Variants in NEGR1 observed in about 807,000 individuals in gnomAD.
The protein encoded by NEGR1 is IgLON family member 4.
Under a neutral mutation model 40.9 loss-of-function variants are expected in NEGR1, and 10 were observed. That is an observed-to-expected ratio of 0.24 (90% CI 0.15 to 0.42). NEGR1 has a LOEUF of 0.42. Ranked by LOEUF, NEGR1 falls within the 10% of genes least tolerant of loss-of-function variation. The pLI, the probability that NEGR1 is intolerant of heterozygous loss-of-function variation, is 1.00. For synonymous variants in NEGR1, 185 were observed against 166.8 expected, an observed-to-expected ratio of 1.11 and a Z score of -0.84; for missense variants, 352 against 438.9, an observed-to-expected ratio of 0.80 and a Z score of 1.77.
chr1:71,931,384 T>G (rs940510737), intron 2 of NEGR1, among the ~76,000 whole-genome samples: 1 of 152,180 alleles, frequency 6.6e-6, no homozygotes, highest in South Asian at 2.1e-4. Context: ...GTAGGAACCA[T>G]GTCTTAGTCC....
chr1:71,609,925 G>C (rs1331837377), intron 5 of NEGR1, among the ~76,000 whole-genome samples: 1 of 152,190 alleles, frequency 6.6e-6, no homozygotes, highest in African/African-American at 2.4e-5. Flanking sequence ...TAGTGAGTGA[G>C]TTCTCACAAG....
At chr1:71,466,356 C>T (rs1646745849) in intron 6 of NEGR1, among the ~76,000 whole-genome samples, 1 of 152,030 alleles carries the variant, frequency 6.6e-6, no homozygotes, top group Admixed American at 6.6e-5. Flanking sequence ...TGTATGTCCT[C>T]CTTGCTGGAG....
intron 6 of NEGR1, among the ~76,000 whole-genome samples, chr1:71,490,558 C>T (rs149875720): frequency 2.0e-5 from 3 of 151,954 alleles, no homozygotes; most frequent in African/African-American, 7.2e-5. Context: ...ACAGTCTAAA[C>T]CATTCTATGC....
intron 1 of NEGR1, among the ~76,000 whole-genome samples, chr1:72,267,551 G>C (rs1174521180): frequency 6.6e-6 from 1 of 151,160 alleles, no homozygotes; most frequent in Non-Finnish European, 1.5e-5. Flanking sequence ...AATGCCACAA[G>C]AATATTCAGA....
intron 1 of NEGR1, among the ~76,000 whole-genome samples, chr1:72,039,877 C>T (rs905283687): frequency 2.0e-5 from 3 of 151,846 alleles, no homozygotes; most frequent in Non-Finnish European, 4.4e-5. Context: ...ACCATTTTGG[C>T]AATCTATTTG....
At chr1:71,826,350 C>T (rs1445593160) in intron 2 of NEGR1, among the ~76,000 whole-genome samples, 1 of 151,914 alleles carries the variant, frequency 6.6e-6, no homozygotes, top group Non-Finnish European at 1.5e-5. Flanking sequence ...TTTCTTACCA[C>T]AATAACCATG....
At chr1:72,118,055 T>C (rs1014114222) in intron 1 of NEGR1, among the ~76,000 whole-genome samples, 24 of 151,876 alleles carry the variant, frequency 1.6e-4, no homozygotes, top group Admixed American at 4.6e-4. Flanking sequence ...TTCCTTCTAC[T>C]TCTCAAAGCT....
chr1:71,488,914 A>C (rs1646905989), intron 6 of NEGR1, among the ~76,000 whole-genome samples: 1 of 151,846 alleles, frequency 6.6e-6, no homozygotes, highest in Admixed American at 6.6e-5. Flanking sequence ...AAATCGACCT[A>C]GACTTGAAAA....
intron 2 of NEGR1, among the ~76,000 whole-genome samples, chr1:71,928,257 T>C (rs200475476): frequency 3.8e-5 from 1 of 26,000 alleles, no homozygotes; most frequent in East Asian, 1.3e-3. Flanking sequence ...CACACATATG[T>C]ATATACGTAT....
intron 1 of NEGR1, among the ~76,000 whole-genome samples, chr1:72,240,910 A>T (rs888128641): frequency 3.3e-5 from 5 of 151,630 alleles, no homozygotes; most frequent in South Asian, 2.1e-4. Flanking sequence ...CTGATTTCTT[A>T]TTGTTTCCTA....
chr1:72,088,794 CTCTTTTTT>C (rs1404539204), intron 1 of NEGR1, among the ~76,000 whole-genome samples: 3 of 101,290 alleles, frequency 3.0e-5, no homozygotes, highest in East Asian at 4.6e-4. Context: ...TTCTCTCTCT[CTCTTTTTT>C]TTTTTTTTTT....
intron 1 of NEGR1, among the ~76,000 whole-genome samples, chr1:72,265,962 A>C (rs1019870823): frequency 1.3e-5 from 2 of 150,968 alleles, no homozygotes; most frequent in Non-Finnish European, 3.0e-5. Flanking sequence ...TGATTTTATT[A>C]AGTAAAATTC....
At chr1:71,665,724 G>A (rs891467023) in intron 4 of NEGR1, among the ~76,000 whole-genome samples, 3 of 151,930 alleles carry the variant, frequency 2.0e-5, no homozygotes, top group South Asian at 2.1e-4. Context: ...TCATACAGTG[G>A]AGCGCCATTT....
At chr1:72,014,095 A>T (rs1045670996) in intron 1 of NEGR1, among the ~76,000 whole-genome samples, 1 of 151,780 alleles carries the variant, frequency 6.6e-6, no homozygotes, top group Non-Finnish European at 1.5e-5. Context: ...AAAGAAAAAA[A>T]AAGCTGTTCA....
intron 3 of NEGR1, among the ~76,000 whole-genome samples, chr1:71,773,319 G>A (rs531643761): frequency 6.1e-4 from 93 of 152,158 alleles, no homozygotes; most frequent in African/African-American, 2.2e-3. Context: ...GTTGACATGA[G>A]GTATATCTAC....
intron 1 of NEGR1, among the ~76,000 whole-genome samples, chr1:72,254,218 TG>T (rs1407234993): frequency 6.6e-6 from 1 of 152,160 alleles, no homozygotes; most frequent in Non-Finnish European, 1.5e-5. Context: ...CTTTCGTAGG[TG>T]TATTTATGGC....
At chr1:72,219,919 C>T (rs1323264432) in intron 1 of NEGR1, among the ~76,000 whole-genome samples, 1 of 151,948 alleles carries the variant, frequency 6.6e-6, no homozygotes, top group African/African-American at 2.4e-5. Flanking sequence ...ATGGTTGTTA[C>T]CTACAGTTCC....
intron 1 of NEGR1, among the ~76,000 whole-genome samples, chr1:71,975,754 C>T (rs1456475507): frequency 6.6e-6 from 1 of 152,188 alleles, no homozygotes; most frequent in African/African-American, 2.4e-5. Context: ...AAGGCGGGTT[C>T]TCTGTGGCTG....
intron 1 of NEGR1, among the ~76,000 whole-genome samples, chr1:71,979,923 G>T (rs571954387): frequency 6.0e-4 from 91 of 152,128 alleles, no homozygotes; most frequent in African/African-American, 2.2e-3. Flanking sequence ...TAATGTCAAG[G>T]GTGCCTGCCC....
Sources: gnomAD v4.1 joint callset for allele counts (sites outside exome capture counted in the v4.1 genomes callset) on GRCh38, gnomAD v4.1.1 for gene constraint, MANE v1.5 for transcripts, NCBI Gene and HGNC (gene_info 2026-07-23, HGNC 2026-07-21) for gene names.